The following AGBL4 variants were observed in gnomAD, a reference collection of about 807,000 sequenced individuals.
AGBL4 encodes the protein AGBL carboxypeptidase 4.
Under a neutral mutation model 66.4 loss-of-function variants are expected in AGBL4, and 58 were observed. The ratio of observed to expected loss-of-function variants is 0.87; its 90% CI spans 0.71 to 1.09. AGBL4 has a LOEUF of 1.09. Ranked by LOEUF, AGBL4 falls within the 50% of genes least tolerant of loss-of-function variation. AGBL4 has a pLI of 0.00. For missense variants in AGBL4, 579 were observed against 631.0 expected, an observed-to-expected ratio of 0.92 and a Z score of 0.88; for synonymous variants, 234 against 222.9, an observed-to-expected ratio of 1.05 and a Z score of -0.44.
intron 2 of AGBL4, among the ~76,000 whole-genome samples, chr1:49,779,934 G>GA (rs11297534): frequency 6.0e-5 from 9 of 150,002 alleles, no homozygotes; most frequent in South Asian, 2.1e-4. Flanking sequence ...ATCAAAAGCA[G>GA]AAAAAAAAAA....
intron 5 of AGBL4, among the ~76,000 whole-genome samples, chr1:49,043,427 T>C (rs1000512992): frequency 6.6e-6 from 1 of 152,180 alleles, no homozygotes; most frequent in African/African-American, 2.4e-5. Flanking sequence ...AGGTCACCAA[T>C]TCTTTCTGAG....
intron 6 of AGBL4, among the ~76,000 whole-genome samples, chr1:48,784,218 G>A (rs994432349): frequency 7.2e-5 from 11 of 152,144 alleles, no homozygotes; most frequent in Admixed American, 3.9e-4. Context: ...ACACTGTGGT[G>A]AGTTCTCAGT....
intron 3 of AGBL4, among the ~76,000 whole-genome samples, chr1:49,391,553 T>G (rs969600638): frequency 5.1e-5 from 6 of 117,716 alleles, no homozygotes; most frequent in East Asian, 5.3e-4. Context: ...ACCATGAGTT[T>G]TTTTTTTTTG....
At chr1:49,787,268 G>A (rs1035599622) in intron 2 of AGBL4, among the ~76,000 whole-genome samples, 7 of 152,032 alleles carry the variant, frequency 4.6e-5, no homozygotes, top group Admixed American at 2.0e-4. Flanking sequence ...TTTGGGAGGC[G>A]GAGGCAGGTG....
intron 4 of AGBL4, among the ~76,000 whole-genome samples, chr1:49,068,621 AGTCTATCATTGATAGGCACTCCAGTTG>A: frequency 6.6e-6 from 1 of 152,260 alleles, no homozygotes; most frequent in East Asian, 1.9e-4. Context: ...TTCTTTATCC[AGTCTATCATTGATAGGCACTCCAGTTG>A]GTTCCAAGAC....
intron 5 of AGBL4, among the ~76,000 whole-genome samples, chr1:48,960,597 G>A (rs527316025): frequency 6.6e-6 from 1 of 152,180 alleles, no homozygotes; most frequent in East Asian, 1.9e-4. Context: ...CCAGCAAAAG[G>A]AGACCTGGAA....
At chr1:49,518,433 C>G (rs1422294485) in intron 3 of AGBL4, among the ~76,000 whole-genome samples, 1 of 152,010 alleles carries the variant, frequency 6.6e-6, no homozygotes, top group Non-Finnish European at 1.5e-5. Context: ...AGTTACAAAG[C>G]TAAATAAGAT....
Position 48,653,395 on chromosome 1 carries a change from G to T in AGBL4, c.781C>A (p.Leu261Met). 1 of 1,589,594 alleles carries T rather than the reference G, an allele frequency of 6.3e-7. No individual in the cohort carries two copies. Among genetic ancestry groups the T allele is most frequent in the Non-Finnish European group, 8.6e-7 (1 of 1,167,364 alleles). ...HPIACVLREY[L>M]VFKIAPMLNP... The stretch of plus-strand genomic sequence containing the variant: ...AGCATTGGTGCGATCTTGAAGACCA[G>T]GTATTCCCGGAGGACACAGGCAATA... Residue 261 changes from leucine (L) to methionine (M), a missense_variant, in exon 8 of 14, where the codon CTG (leucine) becomes ATG (methionine). Coordinates refer to ENST00000371839, the MANE Select transcript of AGBL4 (RefSeq NM_032785.4).
intron 3 of AGBL4, among the ~76,000 whole-genome samples, chr1:49,652,867 A>C (rs570548766): frequency 1.3e-5 from 2 of 152,250 alleles, no homozygotes; most frequent in South Asian, 4.1e-4. Flanking sequence ...CAGTATTGTC[A>C]ATCAGTGGTC....
At chr1:49,111,113 ATTT>A (rs5774039) in intron 4 of AGBL4, among the ~76,000 whole-genome samples, 20 of 109,770 alleles carry the variant, frequency 1.8e-4, no homozygotes, top group African/African-American at 3.0e-4. Context: ...AATTCGTTGA[ATTT>A]TTTTTTTTTT....
chr1:49,076,046 G>T (rs1419911102), intron 4 of AGBL4, among the ~76,000 whole-genome samples: 2 of 152,180 alleles, frequency 1.3e-5, no homozygotes, highest in African/African-American at 4.8e-5. Flanking sequence ...AAAGTTTTCT[G>T]CTTTCAATTT....
intron 1 of AGBL4, among the ~76,000 whole-genome samples, chr1:49,989,429 T>C (rs1322902715): frequency 6.6e-6 from 1 of 152,184 alleles, no homozygotes; most frequent in East Asian, 1.9e-4. Flanking sequence ...CATAGATAAG[T>C]AGCTTTCACA....
chr1:49,226,232 C>G (rs1008495094), intron 4 of AGBL4, among the ~76,000 whole-genome samples: 2 of 151,936 alleles, frequency 1.3e-5, no homozygotes, highest in African/African-American at 4.8e-5. Flanking sequence ...AGATCAGATG[C>G]AAAACAGCAA....
intron 3 of AGBL4, among the ~76,000 whole-genome samples, chr1:49,421,537 T>C (rs1317586140): frequency 6.6e-6 from 1 of 152,042 alleles, no homozygotes; most frequent in Non-Finnish European, 1.5e-5. Context: ...AAAAATAAAA[T>C]TGACAAGAGA....
intron 4 of AGBL4, among the ~76,000 whole-genome samples, chr1:49,081,124 T>C (rs1018794370): frequency 2.0e-5 from 3 of 152,194 alleles, no homozygotes; most frequent in Non-Finnish European, 4.4e-5. Context: ...AACTACATAC[T>C]ACCCCAAAAC....
chr1:49,101,871 C>T lies in AGBL4; in HGVS notation c.378-56071G>A, dbSNP rs116570741. Among the ~76,000 whole-genome samples the T allele has an allele frequency of 5.2e-3, 798 of 152,210 alleles. 2 individuals are homozygous for T. The highest frequency in any genetic ancestry group is 0.014 in the Middle Eastern group (4 of 294). On this transcript the variant is annotated intron_variant, in intron 4 of 13. Coordinates refer to ENST00000371839, the MANE Select transcript of AGBL4 (RefSeq NM_032785.4). ...AAAATTAGGAAGTACTATGTTCCCC[C>T]GTGAGAGGACACAGAAGTTAGCTGA...
intron 6 of AGBL4, among the ~76,000 whole-genome samples, chr1:48,842,025 T>C (rs1385926876): frequency 5.3e-5 from 8 of 152,168 alleles, no homozygotes; most frequent in African/African-American, 1.9e-4. Flanking sequence ...CATTCTGACA[T>C]GTATACAAAT....
chr1:49,688,093 T>C (rs1239702133), intron 3 of AGBL4, among the ~76,000 whole-genome samples: 1 of 152,214 alleles, frequency 6.6e-6, no homozygotes, highest in Non-Finnish European at 1.5e-5. Context: ...ATATTAGTTG[T>C]TTTAAATGTA....
chr1:49,576,233 T>A (rs147531941), intron 3 of AGBL4, among the ~76,000 whole-genome samples: 1 of 152,156 alleles, frequency 6.6e-6, no homozygotes, highest in Non-Finnish European at 1.5e-5. Flanking sequence ...CTGCCCCATT[T>A]ATTGAGTAAC....
Sources: allele counts gnomAD v4.1 joint callset (sites outside exome capture counted in the v4.1 genomes callset), GRCh38; gene constraint gnomAD v4.1.1; transcripts MANE v1.5; gene names NCBI Gene and HGNC (gene_info 2026-07-23, HGNC 2026-07-21).